ATAD3A: variants seen among roughly 807,000 people sequenced by gnomAD.
ATAD3A encodes ATPase family AAA domain-containing protein 3A.
Under a neutral mutation model 73.8 loss-of-function variants are expected in ATAD3A, and 46 were observed. That is an observed-to-expected ratio of 0.62 (90% CI 0.49 to 0.80). The LOEUF is 0.80. ATAD3A is among the 30% of genes least tolerant of loss of function. ATAD3A has a pLI of 0.00. For synonymous variants in ATAD3A, 319 were observed against 350.0 expected (o/e 0.91, Z 0.99); for missense variants, 705 against 838.0 (o/e 0.84, Z 1.96).
At chr1:1,517,009 G>C in intron 2 of ATAD3A, 1 of 1,370,158 alleles carries the variant, frequency 7.3e-7, no homozygotes, top group Non-Finnish European at 9.7e-7. Context: ...GTCGCACCCG[G>C]TCCACTCAGC....
chr1:1,518,242 C>A (rs1300134928), intron 4 of ATAD3A, among the ~76,000 whole-genome samples: 1 of 150,954 alleles, frequency 6.6e-6, no homozygotes, highest in Non-Finnish European at 1.5e-5. Flanking sequence ...ACACCCCGCA[C>A]ACACACACAC....
chr1:1,529,176 G>T, intron 14 of ATAD3A, 47 bp from the exon 15 acceptor site: 1 of 1,598,958 alleles, frequency 6.3e-7, no homozygotes, highest in Admixed American at 1.8e-5. Context: ...ACCTCGTGTT[G>T]TGGGAGCTGC....
intron 10 of ATAD3A, 56 bp downstream of exon 10, chr1:1,524,020 G>A: frequency 6.2e-7 from 1 of 1,611,998 alleles, no homozygotes; most frequent in Non-Finnish European, 8.5e-7. Context: ...TCACCTGCCT[G>A]CAGGTGTCTG....
chr1:1,533,522 C>G (rs1326231837), intron 15 of ATAD3A, among the ~76,000 whole-genome samples: 1 of 152,202 alleles, frequency 6.6e-6, no homozygotes, highest in Non-Finnish European at 1.5e-5. Context: ...TGCCTCTGCC[C>G]TGGAGGCCTG....
In ATAD3A at chr1:1,534,450, C is replaced by T; in HGVS notation, c.*378C>T. 1 of 1,210,808 alleles carries T rather than the reference C, an allele frequency of 8.3e-7. No homozygotes were observed. Among genetic ancestry groups the T allele is most frequent in the Non-Finnish European group, 1.1e-6 (1 of 948,826 alleles). The allele number at this position is 1,210,808 out of a possible 1,614,324, so 75.0% of individuals were successfully genotyped here. A position where few individuals can be genotyped will look rare whatever the true frequency, so the allele number is the denominator to read the frequency against. The stretch of plus-strand genomic sequence containing the variant: ...GCAGGTGATGTCTTTGTTCTCGGCT[C>T]CCACAGCAGAGCCAGGTGAGGGGGC... On this transcript the variant is annotated 3_prime_UTR_variant, in exon 16 of 16. Coordinates refer to ENST00000378756, the MANE Select transcript of ATAD3A (RefSeq NM_001170535.3).
Position 1,523,563 on chromosome 1 carries a change from T to A in ATAD3A, c.959T>A (p.Leu320His), listed in dbSNP as rs1160397406. 1 of 1,612,844 alleles carries A rather than the reference T, an allele frequency of 6.2e-7. No individual in the cohort carries two copies. Among genetic ancestry groups the A allele is most frequent in the South Asian group, 1.1e-5 (1 of 91,016 alleles). The change falls in exon 9 of 16, where the codon CTC (leucine) becomes CAC (histidine). Residue 320 changes from leucine (L) to histidine (H), a missense_variant. By Grantham distance (99) the Leu-to-His change is moderately conservative. This residue lies in a region of ATAD3A where 315 missense variants were observed against 334.1 expected (regional missense o/e 0.94). Transcript: ENST00000378756. The surrounding 1 kb of genome is among the most constrained non-coding windows in gnomAD (Gnocchi z 5.1). ...CAGGACGCGCTGGAGGGTGTTGTGC[T>A]CAGTGTAAGTCGGTGTGCCTGGGAC... is the stretch of plus-strand genomic sequence containing the variant. ...RPQDALEGVVLSPSLEARVRD... is the reference protein window; with the variant it reads ...RPQDALEGVVHSPSLEARVRD...
At chr1:1,532,257 G>C (rs1642056420) in intron 15 of ATAD3A, among the ~76,000 whole-genome samples, 2 of 152,086 alleles carry the variant, frequency 1.3e-5, no homozygotes, top group South Asian at 4.1e-4. Flanking sequence ...CATTTTTCTT[G>C]TGGTGTCTTT....
At position 1,518,407 on chromosome 1, in the gene ATAD3A, C is replaced by T. The variant is rs575607891; in HGVS notation, c.445-514C>T. 7.6e-5 allele frequency among the ~76,000 whole-genome samples: 11 copies of T among 143,842 alleles called. No homozygotes were observed. The East Asian group carries it at 1.9e-3, about 25-fold the overall frequency. 94.4% of individuals were successfully genotyped at this position (143,842 alleles called of 152,430 possible). A position where few individuals can be genotyped will look rare whatever the true frequency, so the allele number is the denominator to read the frequency against. ...CACCCACACACACATGGGCATGCCC[C>T]CCCATAGACGGACACACACACACCC... is the stretch of plus-strand genomic sequence containing the variant. On this transcript the variant is annotated intron_variant, in intron 4 of 15. Transcript: ENST00000378756.
Position 1,523,973 on chromosome 1 carries a change from G to C in ATAD3A, c.1089+9G>C. The C allele has an allele frequency of 6.2e-7, 1 of 1,613,722 alleles. No homozygotes were observed. Among genetic ancestry groups the C allele is most frequent in the Non-Finnish European group, 8.5e-7 (1 of 1,179,990 alleles). Reference sequence around the variant, plus strand: ...AGACGCTGTTTGCCAAGGTGAGAGCGCCTGGCTGAACAGGTGGGCCAGGGG... The same window carrying C: ...AGACGCTGTTTGCCAAGGTGAGAGCCCCTGGCTGAACAGGTGGGCCAGGGG... On this transcript the variant is annotated intron_variant, in intron 10 of 15. Coordinates refer to ENST00000378756, the MANE Select transcript of ATAD3A (RefSeq NM_001170535.3). This position sits in a 1 kb window ranked among gnomAD's most constrained non-coding sequence, Gnocchi z 5.1.
At position 1,520,632 on chromosome 1, in the gene ATAD3A, A is replaced by C. The variant is rs1458335922; in HGVS notation, c.750+15A>C. 4.3e-6 allele frequency: 7 copies of C among 1,613,140 alleles called. No individual in the cohort carries two copies. Among genetic ancestry groups the C allele is most frequent in the African/African-American group, 1.3e-5 (1 of 74,908 alleles). ...TGACAGCCACGGTAAACATACTCAT[A>C]AAACAGGGCTGGCAGGTGGCTGAGG... On this transcript the variant is annotated intron_variant, in intron 7 of 15. Coordinates refer to ENST00000378756, the MANE Select transcript of ATAD3A (RefSeq NM_001170535.3). This position sits in a 1 kb window ranked among gnomAD's most constrained non-coding sequence, Gnocchi z 4.0.
chr1:1,514,808 G>A (rs1641303389), intron 1 of ATAD3A, among the ~76,000 whole-genome samples: 1 of 152,226 alleles, frequency 6.6e-6, no homozygotes, highest in African/African-American at 2.4e-5. Flanking sequence ...CGGGAACAAC[G>A]CACCAACCCA....
chr1:1,521,248 G>A (rs912046107), intron 7 of ATAD3A, among the ~76,000 whole-genome samples: 4 of 125,666 alleles, frequency 3.2e-5, no homozygotes, highest in African/African-American at 9.1e-5. Flanking sequence ...GCAGTGAGTC[G>A]AGATCACGCT....
intron 15 of ATAD3A, among the ~76,000 whole-genome samples, chr1:1,531,017 C>T (rs1447196879): frequency 6.6e-6 from 1 of 151,594 alleles, no homozygotes; most frequent in Admixed American, 6.6e-5. Context: ...TACCCCGGCA[C>T]ATTTGTGGTG....
rs367949937 is a variant in ATAD3A at position 1,534,101 on chromosome 1, G to T, written c.*29G>T. ...CACAGGGAGATCCACAGCTCACGGA[G>T]CCTGGCCGCGGACCCCTCCCACCCC... On this transcript the variant is annotated 3_prime_UTR_variant, in exon 16 of 16. Coordinates refer to ENST00000378756, the MANE Select transcript of ATAD3A (RefSeq NM_001170535.3). The T allele has an allele frequency of 1.1e-4, 175 of 1,613,176 alleles. No homozygotes were observed. Among genetic ancestry groups the T allele is most frequent in the Non-Finnish European group, 1.4e-4 (165 of 1,179,792 alleles).
intron 14 of ATAD3A, 40 bp downstream of exon 14, chr1:1,527,902 C>T (rs760040740): frequency 2.3e-5 from 36 of 1,590,576 alleles, no homozygotes; most frequent in South Asian, 3.4e-5. Flanking sequence ...CAGGGGCCCT[C>T]GCTCAGGGTC....
intron 2 of ATAD3A, chr1:1,516,986 A>T: frequency 8.3e-7 from 1 of 1,209,730 alleles, no homozygotes; most frequent in Non-Finnish European, 1.1e-6. Flanking sequence ...TGCTGGGATT[A>T]TAAGCGAGAG....
At position 1,523,655 on chromosome 1, in the gene ATAD3A, G is replaced by T. The variant is rs757672146; in HGVS notation, c.963+88G>T. 26 of 1,600,174 alleles carry T rather than the reference G, an allele frequency of 1.6e-5. No homozygotes were observed. Among genetic ancestry groups the T allele is most frequent in the Non-Finnish European group, 2.1e-5 (25 of 1,173,004 alleles). ...GTGGCCCTTGCTGGCGCTCGTGGTG[G>T]CACCCAGGAGCTTTTGGGTCCTGAG... is the stretch of plus-strand genomic sequence containing the variant. On this transcript the variant is annotated intron_variant, in intron 9 of 15. Coordinates refer to ENST00000378756, the MANE Select transcript of ATAD3A (RefSeq NM_001170535.3). This position sits in a 1 kb window ranked among gnomAD's most constrained non-coding sequence, Gnocchi z 5.1.
At chr1:1,526,779 C>T (rs1641862573) in intron 13 of ATAD3A, among the ~76,000 whole-genome samples, 2 of 152,252 alleles carry the variant, frequency 1.3e-5, no homozygotes, top group Non-Finnish European at 1.5e-5. Context: ...TGTGCGCCGC[C>T]GCCCCAGCTT....
At chr1:1,526,346 T>C in intron 12 of ATAD3A, 115 bp from the exon 13 acceptor site, 1 of 1,565,010 alleles carries the variant, frequency 6.4e-7, no homozygotes, top group South Asian at 1.2e-5. Flanking sequence ...AGTAGATCCA[T>C]GAAAGTGTCG....
Sources: allele counts gnomAD v4.1 joint callset (sites outside exome capture counted in the v4.1 genomes callset), GRCh38; gene constraint gnomAD v4.1.1; regional missense constraint gnomAD v4.1.1; non-coding constraint Gnocchi (gnomAD v3.1); transcripts MANE v1.5; gene names NCBI Gene and HGNC (gene_info 2026-07-23, HGNC 2026-07-21).